The following AGRN variants were observed in gnomAD, a reference collection of about 807,000 sequenced individuals.
AGRN encodes agrin proteoglycan.
Under a neutral mutation model 211.0 loss-of-function variants are expected in AGRN, and 106 were observed. That is an observed-to-expected ratio of 0.50 (90% confidence interval 0.43 to 0.59). The LOEUF is 0.59. Ranked by LOEUF, AGRN falls within the 20% of genes least tolerant of loss-of-function variation. The probability of loss-of-function intolerance (pLI) is 0.00; values close to 1 mark genes in which losing one functional copy is unlikely to be tolerated. For synonymous variants in AGRN, 1,525 were observed against 1,332.5 expected, an observed-to-expected ratio of 1.14 and a Z score of -3.15; for missense variants, 3,040 against 2,982.6, an observed-to-expected ratio of 1.02 and a Z score of -0.45.
At chr1:1,043,104 A>T in intron 7 of AGRN, 135 bp from the exon 8 acceptor site, 1 of 971,212 alleles carries the variant, frequency 1.0e-6, no homozygotes, top group South Asian at 1.5e-5. Context: ...TCTGCTGTGC[A>T]TCTGGCCCTT....
At chr1:1,037,683 T>G (rs1557696651) in intron 3 of AGRN, among the ~76,000 whole-genome samples, 1 of 151,956 alleles carries the variant, frequency 6.6e-6, no homozygotes. Flanking sequence ...AACACAGGGC[T>G]CTCAGGGTCC....
intron 2 of AGRN, chr1:1,034,173 CCGCGCACCTGCCG>C (rs1553173382): frequency 3.0e-6 from 3 of 985,372 alleles, no homozygotes; most frequent in African/African-American, 1.7e-5. Context: ...CGCCCGGCCC[CCGCGCACCTGCCG>C]CGCGCACCGC....
chr1:1,034,320 C>G, intron 2 of AGRN: 2 of 985,486 alleles, frequency 2.0e-6, no homozygotes, highest in Non-Finnish European at 2.4e-6. Context: ...CCTCGGAGCC[C>G]ACATTTGGGA....
In AGRN at chr1:1,040,681, G is replaced by C. The variant is rs1045582777; in HGVS notation, c.528G>C (p.Leu176=). Residue 176 remains leucine (L), a synonymous_variant, in exon 4 of 36, where the codon CTG becomes CTC. Transcript: ENST00000379370. ...CCGCCCCAGCGTGCCGGGGAATGCT[G>C]TGCGGCTTCGGCGCCGTGTGCGAGC... ...PTPPDACRGM[L]CGFGAVCEPN... 1 of 1,547,626 alleles carries C rather than the reference G, an allele frequency of 6.5e-7. No homozygotes were observed. Among genetic ancestry groups the C allele is most frequent in the Admixed American group, 2.0e-5 (1 of 51,032 alleles).
intron 2 of AGRN, chr1:1,034,083 C>T (rs1263694116): frequency 3.1e-6 from 3 of 977,498 alleles, no homozygotes; most frequent in South Asian, 9.5e-5. Flanking sequence ...CTTCTCGCTC[C>T]CGACGCGGCC....
intron 18 of AGRN, 30 bp from the exon 19 acceptor site, chr1:1,046,790 A>G: frequency 6.3e-7 from 1 of 1,575,158 alleles, no homozygotes; most frequent in East Asian, 2.3e-5. Context: ...AGGCTCCACC[A>G]GAGCCTGGGC....
chr1:1,053,701 C>G, intron 33 of AGRN, 52 bp from the exon 34 acceptor site: 1 of 1,543,354 alleles, frequency 6.5e-7, no homozygotes, highest in South Asian at 1.2e-5. Context: ...CCTCCCCCAC[C>G]CTGTCCTGTT....
Position 1,048,082 on chromosome 1 carries a change from C to T in AGRN, c.3822C>T (p.Thr1274=), listed in dbSNP as rs1645153306. 6.3e-7 allele frequency: 1 copy of T among 1,579,116 alleles called. No individual in the cohort carries two copies. The highest frequency in any genetic ancestry group is 1.7e-5 in the Admixed American group (1 of 57,800). The change falls in exon 23 of 36, where the codon ACC becomes ACT. Residue 1274 remains threonine, a synonymous_variant. Coordinates refer to ENST00000379370, the MANE Select transcript of AGRN (RefSeq NM_198576.4). This position sits in a 1 kb window ranked among gnomAD's most constrained non-coding sequence, Gnocchi z 5.9. ...CTGCGGGAGCCACGGCCAGAGCCAC[C>T]ACTGCATCGCGCCTGCCGTCCTCTG... ...AIAAGATARA[T]TASRLPSSAV... is the part of the protein sequence containing the mutation.
chr1:1,028,343 C>A (rs1644568352), intron 2 of AGRN, among the ~76,000 whole-genome samples: 1 of 139,144 alleles, frequency 7.2e-6, no homozygotes, highest in African/African-American at 2.7e-5. Flanking sequence ...CCCCGCCCTG[C>A]ACCTGGCTGG....
chr1:1,020,186 C>T lies in AGRN; in HGVS notation c.14C>T (p.Ser5Phe). Reference sequence around the variant, plus strand: ...CTCGCCTGCGCCATGGCCGGCCGGTCCCACCCGGGCCCGCTGCGGCCGCTG... The same window carrying T: ...CTCGCCTGCGCCATGGCCGGCCGGTTCCACCCGGGCCCGCTGCGGCCGCTG... Reference protein sequence around the residue: MAGRSHPGPLRPLLP... With the variant: MAGRFHPGPLRPLLP... Residue 5 changes from serine to phenylalanine, a missense_variant, in exon 1 of 36, where the codon TCC becomes TTC. Physicochemically the swap from Ser to Phe is radical, Grantham distance 155. Coordinates refer to ENST00000379370, the MANE Select transcript of AGRN (RefSeq NM_198576.4). The T allele has an allele frequency of 5.2e-6, 7 of 1,342,954 alleles. No individual in the cohort carries two copies. Among genetic ancestry groups the T allele is most frequent in the South Asian group, 3.7e-5 (2 of 54,282 alleles). 83.2% of individuals were successfully genotyped at this position (1,342,954 alleles called of 1,614,324 possible).
In AGRN at chr1:1,046,495, C is replaced by G. The variant is rs1418411990; in HGVS notation, c.3010C>G (p.Leu1004Val). The change falls in exon 18 of 36, where the codon CTC becomes GTC. Residue 1004 changes from leucine to valine, a missense_variant. By Grantham distance (32) the Leu-to-Val change is conservative. Transcript: ENST00000379370. ...GGCACTGCCGGCCCCCCCCGGCGCCCTCCCCCTGGCTCCCAGCAGTACCGC... is the reference window on the plus strand; with the variant it reads ...GGCACTGCCGGCCCCCCCCGGCGCCGTCCCCCTGGCTCCCAGCAGTACCGC... ...SQALPAPPGALPLAPSSTAHS... is the reference protein window; with the variant it reads ...SQALPAPPGAVPLAPSSTAHS... 6.2e-7 allele frequency: 1 copy of G among 1,610,498 alleles called. No homozygotes were observed. The highest frequency in any genetic ancestry group is 1.7e-5 in the Admixed American group (1 of 59,898).
chr1:1,045,619 G>C (rs1645069521), intron 14 of AGRN, 96 bp downstream of exon 14: 1 of 1,606,286 alleles, frequency 6.2e-7, no homozygotes, highest in Non-Finnish European at 8.5e-7. Flanking sequence ...GCCCTGGCCT[G>C]ACCCACACCT....
In AGRN at chr1:1,048,043, G is replaced by A. The variant is rs376408361; in HGVS notation, c.3783G>A (p.Thr1261=). 30 of 1,585,584 alleles carry A rather than the reference G, an allele frequency of 1.9e-5. No homozygotes were observed. In the Middle Eastern group the frequency reaches 9.9e-4, roughly 52 times the overall value. Reference sequence around the variant, plus strand: ...TTCCTGCGTTTATCACGGGGGCCACGTCAGGAGCCATTGCTGCGGGAGCCA... The same window carrying A: ...TTCCTGCGTTTATCACGGGGGCCACATCAGGAGCCATTGCTGCGGGAGCCA... ...DWFPAFITGA[T]SGAIAAGATA... Residue 1261 remains threonine (T), a synonymous_variant, in exon 23 of 36, where the codon ACG becomes ACA. Transcript: ENST00000379370. This position sits in a 1 kb window ranked among gnomAD's most constrained non-coding sequence, Gnocchi z 5.9.
Position 1,035,175 on chromosome 1 carries a change from G to A in AGRN, c.464-102G>A, listed in dbSNP as rs866756934. ...GGATCCCTGGGGCTAGCGGTGGGGG[G>A]GGGGGGGTGGGCAGGGGTGCCCCTT... On this transcript the variant is annotated intron_variant, in intron 2 of 35. Transcript: ENST00000379370. The A allele has an allele frequency of 1.0e-5, 13 of 1,251,630 alleles. 1 individual carries two copies. Among genetic ancestry groups the A allele is most frequent in the South Asian group, 4.8e-5 (4 of 82,908 alleles). 77.5% of individuals were successfully genotyped at this position (1,251,630 alleles called of 1,614,324 possible). A position where few individuals can be genotyped will look rare whatever the true frequency, so the allele number is the denominator to read the frequency against.
At chr1:1,039,414 G>GGC (rs945567081) in intron 3 of AGRN, among the ~76,000 whole-genome samples, 1 of 151,698 alleles carries the variant, frequency 6.6e-6, no homozygotes, top group Non-Finnish European at 1.5e-5. Flanking sequence ...TTGGAGATGG[G>GGC]GGGGGTTCCT....
chr1:1,044,977 C>A (rs146543092), intron 12 of AGRN, among the ~76,000 whole-genome samples, 184 bp from the exon 13 acceptor site: 16 of 152,306 alleles, frequency 1.1e-4, no homozygotes, highest in African/African-American at 3.8e-4. Context: ...CATTTACAGA[C>A]ATGTTCTTGC....
chr1:1,049,118 G>C lies in AGRN; in HGVS notation c.4298+59G>C, dbSNP rs1246967878. The C allele has an allele frequency of 9.5e-6, 9 of 946,164 alleles. No homozygotes were observed. The Admixed American group carries it at 1.6e-4, about 17-fold the overall frequency. The allele number at this position is 946,164 out of a possible 1,614,324, so 58.6% of individuals were successfully genotyped here. A position where few individuals can be genotyped will look rare whatever the true frequency, so the allele number is the denominator to read the frequency against. ...AGGTGGGCGGGGAGGGGACGGGCGG[G>C]GGAGGGGGGGCCGGGGCAGCTCAGG... On this transcript the variant is annotated intron_variant, in intron 24 of 35. Transcript: ENST00000379370.
rs761152280 is a variant in AGRN, at chr1:1,045,482, A to G, written c.2495A>G (p.Asn832Ser). 19 of 1,612,846 alleles carry G rather than the reference A, an allele frequency of 1.2e-5. No homozygotes were observed. Among genetic ancestry groups the G allele is most frequent in the Non-Finnish European group, 1.4e-5 (17 of 1,179,958 alleles). The stretch of plus-strand genomic sequence containing the variant: ...GACCGCTGTGAGCCTGGCTTCTGGA[A>G]CTTTCGAGGCATCGTCACCGATGGC... ...RCDRCEPGFWNFRGIVTDGRS... is the reference protein window; with the variant it reads ...RCDRCEPGFWSFRGIVTDGRS... The change falls in exon 14 of 36, where the codon AAC (asparagine) becomes AGC (serine). Residue 832 changes from asparagine (N) to serine (S), a missense_variant. Coordinates refer to ENST00000379370, the MANE Select transcript of AGRN (RefSeq NM_198576.4).
rs1252719096 is a variant in AGRN, at chr1:1,043,863, C to T, written c.1839C>T (p.Cys613=). The T allele has an allele frequency of 2.5e-6, 4 of 1,611,654 alleles. No individual in the cohort carries two copies. Among genetic ancestry groups the T allele is most frequent in the Admixed American group, 1.7e-5 (1 of 60,010 alleles). The part of the protein sequence containing the change: ...GDAVCAFGAV[C]SAGQCVCPRC... ...CCGTGTGTGCTTTTGGGGCTGTGTG[C>T]TCCGCAGGGCAGTGTGTGTGTCCCC... is the stretch of plus-strand genomic sequence containing the variant. Residue 613 remains cysteine, a synonymous_variant, in exon 10 of 36, where the codon TGC becomes TGT. Transcript: ENST00000379370.
Sources: gnomAD v4.1 joint callset for allele counts (sites outside exome capture counted in the v4.1 genomes callset) on GRCh38, gnomAD v4.1.1 for gene constraint, Gnocchi (gnomAD v3.1) non-coding constraint, MANE v1.5 for transcripts, NCBI Gene and HGNC (gene_info 2026-07-23, HGNC 2026-07-21) for gene names.